The following INSYN2B variants were observed in gnomAD, a reference collection of about 807,000 sequenced individuals.
The protein encoded by INSYN2B is inhibitory synaptic factor family member 2B.
Under a neutral mutation model 41.2 loss-of-function variants are expected in INSYN2B, and 16 were observed. The observed-to-expected ratio is 0.39, with a 90% CI of 0.26 to 0.59. The LOEUF (loss-of-function observed/expected upper bound fraction) is 0.59, where lower values mean the gene tolerates loss of function less well. INSYN2B is among the 20% of genes least tolerant of loss of function. The probability of loss-of-function intolerance (pLI) is 0.57; values close to 1 mark genes in which losing one functional copy is unlikely to be tolerated. For missense variants in INSYN2B, 608 were observed against 646.4 expected (o/e 0.94, Z 0.64); for synonymous variants, 245 against 244.4 (o/e 1.00, Z -0.02).
chr5:169,939,794 T>C (rs185932794), intron 1 of INSYN2B, among the ~76,000 whole-genome samples: 46 of 152,102 alleles, frequency 3.0e-4, no homozygotes, highest in Admixed American at 3.0e-3. Context: ...CTAAAAAATA[T>C]AAGAAAGGTA....
intron 1 of INSYN2B, among the ~76,000 whole-genome samples, chr5:169,908,261 T>C (rs1302637452): frequency 6.6e-6 from 1 of 152,188 alleles, no homozygotes; most frequent in East Asian, 1.9e-4. Context: ...TGGTGGCAAC[T>C]AGATTTATTG....
intron 1 of INSYN2B, among the ~76,000 whole-genome samples, chr5:169,967,762 G>A (rs1777355884): frequency 6.6e-6 from 1 of 152,176 alleles, no homozygotes; most frequent in African/African-American, 2.4e-5. Context: ...GATGATGGTA[G>A]CGTCAATCAG....
intron 1 of INSYN2B, among the ~76,000 whole-genome samples, chr5:169,928,357 C>A (rs2113673524): frequency 6.6e-6 from 1 of 152,386 alleles, no homozygotes; most frequent in South Asian, 2.1e-4. Context: ...GATGCCCTAT[C>A]TCCACCTGAA....
At position 169,895,637 on chromosome 5, in the gene INSYN2B, A is replaced by G. The variant is rs533677198; in HGVS notation, c.-918-10821T>C. Among the ~76,000 whole-genome samples, 53 of 152,058 alleles carry G rather than the reference A, an allele frequency of 3.5e-4. No homozygotes were observed. The South Asian group carries it at 7.3e-3, about 21-fold the overall frequency. On this transcript the variant is annotated intron_variant, in intron 1 of 3. Transcript: ENST00000377365. Reference sequence around the variant, plus strand: ...GTTCCACCTTCCCTCCACGTTACCTATTGTAACCACAGCCCCCGAGAGCAG... The same window carrying G: ...GTTCCACCTTCCCTCCACGTTACCTGTTGTAACCACAGCCCCCGAGAGCAG...
chr5:169,904,286 C>T (rs1033986533), intron 1 of INSYN2B, among the ~76,000 whole-genome samples: 1 of 151,874 alleles, frequency 6.6e-6, no homozygotes, highest in African/African-American at 2.4e-5. Context: ...GGGCTTTCCC[C>T]TCAGTCTTAA....
At chr5:169,963,089 T>C (rs1777157472) in intron 1 of INSYN2B, among the ~76,000 whole-genome samples, 1 of 152,220 alleles carries the variant, frequency 6.6e-6, no homozygotes, top group African/African-American at 2.4e-5. Context: ...TGGGTTCCCC[T>C]GGAATATGTG....
chr5:169,944,478 A>G (rs1467773555), intron 1 of INSYN2B, among the ~76,000 whole-genome samples: 1 of 152,200 alleles, frequency 6.6e-6, no homozygotes, highest in Non-Finnish European at 1.5e-5. Context: ...GGAGATTTGG[A>G]AAGGGAGGGA....
At chr5:169,931,741 T>C (rs889011493) in intron 1 of INSYN2B, among the ~76,000 whole-genome samples, 2 of 152,152 alleles carry the variant, frequency 1.3e-5, no homozygotes, top group Admixed American at 1.3e-4. Flanking sequence ...AGAAGGTGGC[T>C]GGCACTGTGC....
intron 1 of INSYN2B, among the ~76,000 whole-genome samples, chr5:169,892,124 T>C (rs551677105): frequency 1.3e-4 from 20 of 152,216 alleles, no homozygotes; most frequent in African/African-American, 4.8e-4. Context: ...AAATCAGCCT[T>C]CCAAATCCAA....
At chr5:169,902,702 CT>C (rs1174205074) in intron 1 of INSYN2B, among the ~76,000 whole-genome samples, 5 of 152,158 alleles carry the variant, frequency 3.3e-5, no homozygotes, top group Non-Finnish European at 7.3e-5. Flanking sequence ...TCCTCAAATC[CT>C]TCTGAGCACC....
At chr5:169,933,475 A>G (rs1392508452) in intron 1 of INSYN2B, among the ~76,000 whole-genome samples, 1 of 152,256 alleles carries the variant, frequency 6.6e-6, no homozygotes, top group Non-Finnish European at 1.5e-5. Flanking sequence ...TATCCTGAGC[A>G]TCAAGAGTCT....
chr5:169,942,020 A>C (rs1015577753), intron 1 of INSYN2B, among the ~76,000 whole-genome samples: 1 of 152,232 alleles, frequency 6.6e-6, no homozygotes, highest in African/African-American at 2.4e-5. Context: ...CAAAATAACA[A>C]TTCCACTGCT....
intron 1 of INSYN2B, among the ~76,000 whole-genome samples, chr5:169,941,134 G>A (rs1050321201): frequency 1.3e-5 from 2 of 152,170 alleles, no homozygotes. Context: ...AAAGCACAGG[G>A]TGTCGGGAGA....
At chr5:169,928,797 T>G (rs1046819857) in intron 1 of INSYN2B, among the ~76,000 whole-genome samples, 4 of 152,206 alleles carry the variant, frequency 2.6e-5, no homozygotes, top group Non-Finnish European at 5.9e-5. Flanking sequence ...ATAATGCAGA[T>G]CTAATGTTAT....
rs577186063 is a variant in INSYN2B at position 169,951,095 on chromosome 5, T to A, written c.-919+29182A>T. ...GAGCTGATGAGACCTGCCTGCCTTATCTGGGACACGGTCCCCACCAACCCT... is the reference window on the plus strand; with the variant it reads ...GAGCTGATGAGACCTGCCTGCCTTAACTGGGACACGGTCCCCACCAACCCT... On this transcript the variant is annotated intron_variant, in intron 1 of 3. Coordinates refer to ENST00000377365, the MANE Select transcript of INSYN2B (RefSeq NM_001129891.3). Among the ~76,000 whole-genome samples the A allele has an allele frequency of 2.0e-5, 3 of 152,326 alleles. No individual in the cohort carries two copies. The South Asian group carries it at 6.2e-4, about 32-fold the overall frequency.
rs114667796 is a variant in INSYN2B, at chr5:169,877,033, G to C, written c.1421+4335C>G. Reference sequence around the variant, plus strand: ...CTAGCAGATGAGGGCTCATGGCATGGGGGTCCTTCTGGGGAAGGATTGGAT... The same window carrying C: ...CTAGCAGATGAGGGCTCATGGCATGCGGGTCCTTCTGGGGAAGGATTGGAT... On this transcript the variant is annotated intron_variant, in intron 3 of 3. Coordinates refer to ENST00000377365, the MANE Select transcript of INSYN2B (RefSeq NM_001129891.3). Among the ~76,000 whole-genome samples the C allele has an allele frequency of 8.7e-3, 1,328 of 152,282 alleles. 11 individuals are homozygous for C. The highest frequency in any genetic ancestry group is 0.017 in the Middle Eastern group (5 of 294).
At chr5:169,932,242 TAC>T (rs1192975800) in intron 1 of INSYN2B, among the ~76,000 whole-genome samples, 1 of 152,128 alleles carries the variant, frequency 6.6e-6, no homozygotes, top group Non-Finnish European at 1.5e-5. Context: ...TCCCTGAGTT[TAC>T]AGAGCCCTGT....
intron 1 of INSYN2B, chr5:169,934,873 T>A (rs1253502118): frequency 5.4e-6 from 2 of 369,116 alleles, no homozygotes; most frequent in Admixed American, 3.2e-5. Context: ...CCAAAACAAC[T>A]TTAACCACCT....
chr5:169,963,666 C>T (rs1237174351), intron 1 of INSYN2B, among the ~76,000 whole-genome samples: 3 of 152,146 alleles, frequency 2.0e-5, no homozygotes, highest in African/African-American at 7.2e-5. Context: ...ACCCCCTCAC[C>T]CAGTCTTGGG....
Sources: allele counts gnomAD v4.1 joint callset (sites outside exome capture counted in the v4.1 genomes callset), GRCh38; gene constraint gnomAD v4.1.1; transcripts MANE v1.5; gene names NCBI Gene and HGNC (gene_info 2026-07-23, HGNC 2026-07-21).